CPNE5: variants seen among roughly 807,000 people sequenced by gnomAD.
The protein encoded by CPNE5 is copine-5.
In CPNE5, 42 loss-of-function variants were observed where a neutral mutation model predicts 81.1. That is an observed-to-expected ratio of 0.52 (90% CI 0.40 to 0.67). The LOEUF is 0.67. CPNE5 is among the 30% of genes least tolerant of loss of function. The pLI is 0.00. For missense variants in CPNE5, 612 were observed against 815.5 expected, an observed-to-expected ratio of 0.75 and a Z score of 3.04; for synonymous variants, 313 against 321.5, an observed-to-expected ratio of 0.97 and a Z score of 0.28.
Position 36,813,830 on chromosome 6 carries a change from T to G in CPNE5, c.183+8284A>C, listed in dbSNP as rs1349440692. ...AAGACTCAGCTCCAGTGCCACCAAG[T>G]TTGGCTTGGTTCACAGGATCTCCAA... is the stretch of plus-strand genomic sequence containing the variant. On this transcript the variant is annotated intron_variant, in intron 3 of 20. Coordinates refer to ENST00000244751, the MANE Select transcript of CPNE5 (RefSeq NM_020939.2). Among the ~76,000 whole-genome samples, 3 of 152,262 alleles carry G rather than the reference T, an allele frequency of 2.0e-5. No individual in the cohort carries two copies. In the East Asian group the frequency reaches 5.8e-4, roughly 29 times the overall value.
intron 3 of CPNE5, among the ~76,000 whole-genome samples, chr6:36,806,641 G>T (rs1770618648): frequency 6.6e-6 from 1 of 152,170 alleles, no homozygotes; most frequent in Non-Finnish European, 1.5e-5. Context: ...TCTCTTTCCT[G>T]CTGGGACCCT....
rs1763621275 is a variant in CPNE5, at chr6:36,742,076, C to A, written c.*192G>T. The A allele has an allele frequency of 5.2e-6, 3 of 581,406 alleles. No individual in the cohort carries two copies. Among genetic ancestry groups the A allele is most frequent in the Admixed American group, 3.0e-5 (1 of 32,806 alleles). 36.0% of individuals were successfully genotyped at this position (581,406 alleles called of 1,614,324 possible). ...CCCTCTTTCACCCGTACCCCCCTAACTCCCTGGGTTTGGGCAATAAGTGAG... is the reference window on the plus strand; with the variant it reads ...CCCTCTTTCACCCGTACCCCCCTAAATCCCTGGGTTTGGGCAATAAGTGAG... On this transcript the variant is annotated 3_prime_UTR_variant, in exon 21 of 21. Transcript: ENST00000244751.
intron 1 of CPNE5, among the ~76,000 whole-genome samples, chr6:36,826,266 C>G (rs1772495683): frequency 6.6e-6 from 1 of 152,160 alleles, no homozygotes; most frequent in Non-Finnish European, 1.5e-5. Context: ...AGGCACACAG[C>G]TAGACTAAGA....
upstream of CPNE5, chr6:36,839,510 C>T: frequency 1.6e-6 from 1 of 634,704 alleles, no homozygotes; most frequent in Non-Finnish European, 2.6e-6. The surrounding 1 kb of genome is among the most constrained non-coding windows in gnomAD (Gnocchi z 7.3). Context: ...GAGAGGAGCG[C>T]GAAGAGGGGG....
At chr6:36,828,604 G>A (rs1772724270) in intron 1 of CPNE5, among the ~76,000 whole-genome samples, 1 of 152,194 alleles carries the variant, frequency 6.6e-6, no homozygotes, top group Admixed American at 6.5e-5. Context: ...GACCCATAAT[G>A]GAGGTCATGG....
intron 13 of CPNE5, chr6:36,754,590 G>A (rs1001533850): frequency 5.9e-5 from 9 of 152,334 alleles, no homozygotes; most frequent in East Asian, 1.9e-4. Flanking sequence ...TCTGCATCCC[G>A]GGTGATTTTT....
chr6:36,753,413 G>A (rs748007495), intron 13 of CPNE5, among the ~76,000 whole-genome samples: 2 of 152,192 alleles, frequency 1.3e-5, no homozygotes, highest in South Asian at 2.1e-4. Flanking sequence ...CAGTGGAACC[G>A]GGGTCCAAGC....
chr6:36,817,476 C>T (rs376043080), intron 3 of CPNE5, among the ~76,000 whole-genome samples: 5 of 152,226 alleles, frequency 3.3e-5, no homozygotes, highest in African/African-American at 1.2e-4. Context: ...CTCTACGGAC[C>T]CTTCTGCTCT....
At chr6:36,833,730 A>T (rs1773167557) in intron 1 of CPNE5, among the ~76,000 whole-genome samples, 1 of 152,194 alleles carries the variant, frequency 6.6e-6, no homozygotes, top group Non-Finnish European at 1.5e-5. Context: ...GCCTTGGATA[A>T]GACCACAGCC....
At chr6:36,759,796 A>G (rs1031518941) in intron 12 of CPNE5, among the ~76,000 whole-genome samples, 4 of 151,976 alleles carry the variant, frequency 2.6e-5, no homozygotes, top group African/African-American at 7.3e-5. Flanking sequence ...AGGCTGAGAC[A>G]GCACGGAGGT....
rs1229175686 is a variant in CPNE5 at position 36,746,155 on chromosome 6, C to T, written c.1200+241G>A. On this transcript the variant is annotated intron_variant, in intron 16 of 20. Transcript: ENST00000244751. The surrounding 1 kb of genome is among the most constrained non-coding windows in gnomAD (Gnocchi z 4.5). ...GCCTCCACCTGCACCTGCGTCTTGT[C>T]AGGAACAAGGAAGCCAGGGCCAGCT... 1 of 985,354 alleles carries T rather than the reference C, an allele frequency of 1.0e-6. No individual in the cohort carries two copies. Among genetic ancestry groups the T allele is most frequent in the African/African-American group, 1.7e-5 (1 of 57,332 alleles). The allele number at this position is 985,354 out of a possible 1,614,324, so 61.0% of individuals were successfully genotyped here. A position where few individuals can be genotyped will look rare whatever the true frequency, so the allele number is the denominator to read the frequency against.
intron 10 of CPNE5, among the ~76,000 whole-genome samples, chr6:36,772,718 G>A (rs557262390): frequency 1.3e-5 from 2 of 152,334 alleles, no homozygotes; most frequent in African/African-American, 2.4e-5. Context: ...GCAGCCTGGG[G>A]GTTTCTTCGG....
intron 15 of CPNE5, 37 bp downstream of exon 15, chr6:36,748,184 C>G (rs754720665): frequency 1.2e-6 from 2 of 1,603,714 alleles, no homozygotes; most frequent in South Asian, 2.2e-5. Flanking sequence ...AAAGCTCTCT[C>G]CTCCCACCCT....
chr6:36,774,954 A>G lies in CPNE5; in HGVS notation c.737+7T>C, dbSNP rs770197534. 2 of 1,608,832 alleles carry G rather than the reference A, an allele frequency of 1.2e-6. No homozygotes were observed. The highest frequency in any genetic ancestry group is 1.1e-5 in the South Asian group (1 of 90,900). ...AGGAAAAAAGAAGGGACATTTTCTC[A>G]TCTCACCGATCGTAGTCGCCGTTGC... On this transcript the variant is annotated splice_region_variant and intron_variant, in intron 10 of 20. Coordinates refer to ENST00000244751, the MANE Select transcript of CPNE5 (RefSeq NM_020939.2).
At position 36,766,626 on chromosome 6, in the gene CPNE5, GA is replaced by G. The variant is rs1393817209; in HGVS notation, c.738-1251del. Among the ~76,000 whole-genome samples the G allele has an allele frequency of 6.6e-6, 1 of 152,050 alleles. No homozygotes were observed. Among genetic ancestry groups the G allele is most frequent in the Non-Finnish European group, 1.5e-5 (1 of 67,992 alleles). ...GTGGGTTGATGAGCTGGAAAGAGTG[GA>G]AAGACCAGGACGGCCCTACGCTTGG... On this transcript the variant is annotated intron_variant, in intron 10 of 20. Transcript: ENST00000244751. This position sits in a 1 kb window ranked among gnomAD's most constrained non-coding sequence, Gnocchi z 4.2.
At chr6:36,756,170 G>A in intron 13 of CPNE5, 75 bp downstream of exon 13, 1 of 1,281,872 alleles carries the variant, frequency 7.8e-7, no homozygotes, top group Non-Finnish European at 1.1e-6. Flanking sequence ...AGACGCACGG[G>A]CCTCCCTGAT....
Position 36,743,578 on chromosome 6 carries a change from G to A in CPNE5, c.1563+111C>T, listed in dbSNP as rs1314476749. ...TGGCTGGGCCACTTTGGGGCTCCCA[G>A]TGCCTCCCTTCTGGGCCCTTCACCA... On this transcript the variant is annotated intron_variant, in intron 20 of 20. Coordinates refer to ENST00000244751, the MANE Select transcript of CPNE5 (RefSeq NM_020939.2). 2.8e-6 allele frequency: 3 copies of A among 1,052,712 alleles called. No individual in the cohort carries two copies. In the African/African-American group the frequency reaches 4.7e-5, roughly 17 times the overall value. 65.2% of individuals were successfully genotyped at this position (1,052,712 alleles called of 1,614,324 possible).
At chr6:36,767,227 T>G (rs1766639856) in intron 10 of CPNE5, among the ~76,000 whole-genome samples, 1 of 152,164 alleles carries the variant, frequency 6.6e-6, no homozygotes, top group South Asian at 2.1e-4. Flanking sequence ...CTTTGCAACT[T>G]CTGATTCAAG....
intron 10 of CPNE5, among the ~76,000 whole-genome samples, chr6:36,772,831 T>C (rs1300682300): frequency 6.6e-6 from 1 of 152,054 alleles, no homozygotes; most frequent in Non-Finnish European, 1.5e-5. Flanking sequence ...TGTTTGTTTG[T>C]TTTCTTTTTT....
Sources: allele counts gnomAD v4.1 joint callset (sites outside exome capture counted in the v4.1 genomes callset), GRCh38; gene constraint gnomAD v4.1.1; non-coding constraint Gnocchi (gnomAD v3.1); transcripts MANE v1.5; gene names NCBI Gene and HGNC (gene_info 2026-07-23, HGNC 2026-07-21).